The following MAEA variants were observed in gnomAD, a reference collection of about 807,000 sequenced individuals.
MAEA encodes the protein macrophage erythroblast attacher, E3 ubiquitin ligase.
Under a neutral mutation model 46.2 loss-of-function variants are expected in MAEA, and 22 were observed. That is an observed-to-expected ratio of 0.48 (90% CI 0.34 to 0.68). MAEA has a LOEUF of 0.68. Among genes scored for constraint, MAEA ranks in the 30% least tolerant of loss-of-function variants. The pLI, the probability that MAEA is intolerant of heterozygous loss-of-function variation, is 0.01. For synonymous variants in MAEA, 246 were observed against 222.6 expected, an observed-to-expected ratio of 1.11 and a Z score of -0.94; for missense variants, 393 against 558.1, an observed-to-expected ratio of 0.70 and a Z score of 2.98.
At chr4:1,302,166 A>T (rs990383100) in intron 1 of MAEA, among the ~76,000 whole-genome samples, 13 of 152,256 alleles carry the variant, frequency 8.5e-5, no homozygotes, top group African/African-American at 2.9e-4. Context: ...TGTCAGGACT[A>T]AGTAGGATTT....
intron 2 of MAEA, 114 bp downstream of exon 2, chr4:1,312,275 G>T: frequency 7.6e-7 from 1 of 1,308,622 alleles, no homozygotes; most frequent in Non-Finnish European, 1.1e-6. Flanking sequence ...AGGTGCGGTT[G>T]GGGGCCCCCT....
chr4:1,316,971 CG>C (rs1737286379), intron 3 of MAEA, among the ~76,000 whole-genome samples: 1 of 107,868 alleles, frequency 9.3e-6, no homozygotes, highest in Admixed American at 8.8e-5. Flanking sequence ...AGGCCCACCA[CG>C]GCCCCACACT....
chr4:1,316,559 C>T (rs1475437467), intron 3 of MAEA, among the ~76,000 whole-genome samples: 16 of 152,206 alleles, frequency 1.1e-4, no homozygotes, highest in Non-Finnish European at 1.9e-4. Flanking sequence ...CCCAGCCATG[C>T]GCCTGGCCCC....
chr4:1,322,943 C>CT (rs60692981), intron 4 of MAEA, among the ~76,000 whole-genome samples: 2,104 of 75,204 alleles, frequency 0.028, 296 homozygotes, highest in African/African-American at 0.032. Flanking sequence ...TGAATACCCA[C>CT]TTTTTTTTTT....
intron 1 of MAEA, among the ~76,000 whole-genome samples, chr4:1,298,631 A>G (rs1184694991): frequency 3.9e-5 from 6 of 152,176 alleles, no homozygotes; most frequent in Non-Finnish European, 7.4e-5. Context: ...CAGGGCTGGA[A>G]CACAGCTCAC....
intron 4 of MAEA, among the ~76,000 whole-genome samples, chr4:1,325,965 A>G (rs1738758593): frequency 1.3e-5 from 2 of 151,992 alleles, no homozygotes; most frequent in Non-Finnish European, 2.9e-5. Context: ...CTAGGGACAC[A>G]GGGTGATGAG....
chr4:1,327,340 C>T (rs1395205331), intron 4 of MAEA, among the ~76,000 whole-genome samples: 3 of 152,236 alleles, frequency 2.0e-5, no homozygotes, highest in South Asian at 4.1e-4. Context: ...CTCCTGGAAG[C>T]GCCCTGAGCG....
intron 2 of MAEA, among the ~76,000 whole-genome samples, chr4:1,314,105 A>G (rs1202160636): frequency 2.6e-5 from 4 of 152,208 alleles, no homozygotes; most frequent in African/African-American, 9.6e-5. Flanking sequence ...AGGCAGGCGG[A>G]TCACCTGAGG....
intron 5 of MAEA, chr4:1,330,641 T>C (rs1415317340): frequency 1.3e-5 from 2 of 152,044 alleles, no homozygotes; most frequent in Non-Finnish European, 2.9e-5. Flanking sequence ...TAAAGAAAAA[T>C]GGAAGTTTTT....
intron 3 of MAEA, among the ~76,000 whole-genome samples, chr4:1,321,643 C>T (rs532511993): frequency 3.9e-5 from 6 of 152,244 alleles, no homozygotes; most frequent in South Asian, 2.1e-4. Flanking sequence ...TATGTGCAGG[C>T]GGAGGTGCCG....
chr4:1,300,248 T>G (rs1735180306), intron 1 of MAEA, among the ~76,000 whole-genome samples: 1 of 152,220 alleles, frequency 6.6e-6, no homozygotes, highest in South Asian at 2.1e-4. Context: ...AGATTGGCAC[T>G]AGCAGAGGAT....
At chr4:1,290,020 G>C (rs1374087234) in intron 1 of MAEA, 38 bp downstream of exon 1, 4 of 1,526,962 alleles carry the variant, frequency 2.6e-6, no homozygotes, top group South Asian at 2.4e-5. Flanking sequence ...GGCAGCGAAG[G>C]CGTCTCCAGC....
intron 7 of MAEA, 176 bp from the exon 8 acceptor site, chr4:1,338,246 G>A: frequency 1.8e-6 from 1 of 545,540 alleles, no homozygotes; most frequent in Non-Finnish European, 3.3e-6. Flanking sequence ...GCCTCAGTGG[G>A]GCTGTTTAGC....
intron 4 of MAEA, among the ~76,000 whole-genome samples, chr4:1,324,414 G>A (rs1282574115): frequency 7.1e-6 from 1 of 141,752 alleles, no homozygotes. Context: ...AGTGTGTCTG[G>A]TGTTGGATGA....
chr4:1,332,621 C>G, intron 5 of MAEA, 136 bp from the exon 6 acceptor site: 1 of 616,534 alleles, frequency 1.6e-6, no homozygotes, highest in Middle Eastern at 3.1e-4. Context: ...GGAAGATCGC[C>G]TGAGCCTGAG....
At chr4:1,334,352 G>A (rs561310455) in intron 6 of MAEA, among the ~76,000 whole-genome samples, 1 of 144,810 alleles carries the variant, frequency 6.9e-6, no homozygotes, top group Non-Finnish European at 1.5e-5. Flanking sequence ...GGCAGTCCCA[G>A]ACCTGCTGCC....
chr4:1,338,297 G>A (rs546778842), intron 7 of MAEA, 125 bp from the exon 8 acceptor site: 504 of 707,596 alleles, frequency 7.1e-4, no homozygotes, highest in African/African-American at 2.3e-3. Flanking sequence ...AGACAGCCCC[G>A]TGTAGTCAGC....
rs557001777 is a variant in MAEA at position 1,337,629 on chromosome 4, A to G, written c.899+635A>G. On this transcript the variant is annotated intron_variant, in intron 7 of 8. Transcript: ENST00000303400. ...TGCAACTGACTTCTTCCTGCCTGTG[A>G]CAGACTCTGCCCCTGCCTGCGACTG... 3.1e-4 allele frequency: 51 copies of G among 166,812 alleles called. No homozygotes were observed. In the East Asian group the frequency reaches 5.2e-3, roughly 17 times the overall value. 10.3% of individuals were successfully genotyped at this position (166,812 alleles called of 1,614,324 possible).
chr4:1,319,752 A>G (rs1166060352), intron 3 of MAEA, among the ~76,000 whole-genome samples: 1 of 131,738 alleles, frequency 7.6e-6, no homozygotes, highest in Non-Finnish European at 1.6e-5. Flanking sequence ...AAAAAAAAAA[A>G]TGGTTTTTCA....
Sources: allele counts gnomAD v4.1 joint callset (sites outside exome capture counted in the v4.1 genomes callset), GRCh38; gene constraint gnomAD v4.1.1; transcripts MANE v1.5; gene names NCBI Gene and HGNC (gene_info 2026-07-23, HGNC 2026-07-21).